Variants in PPP1R12B observed in about 807,000 individuals in gnomAD.
The protein encoded by PPP1R12B is protein phosphatase 1 regulatory subunit 12B.
A neutral mutation model predicts 126.1 loss-of-function variants in PPP1R12B; 76 were observed. That is an observed-to-expected ratio of 0.60 (90% CI 0.50 to 0.73). The LOEUF (loss-of-function observed/expected upper bound fraction) is 0.73, where lower values mean the gene tolerates loss of function less well. Ranked by LOEUF, PPP1R12B falls within the 30% of genes least tolerant of loss-of-function variation. The pLI is 0.00. For synonymous variants in PPP1R12B, 356 were observed against 434.7 expected (o/e 0.82, Z 2.25); for missense variants, 1,052 against 1,205.1 (o/e 0.87, Z 1.88).
chr1:202,368,991 T>C (rs1659764280), intron 1 of PPP1R12B, among the ~76,000 whole-genome samples: 1 of 152,268 alleles, frequency 6.6e-6, no homozygotes, highest in Non-Finnish European at 1.5e-5. Flanking sequence ...GTATTGTGAT[T>C]ACAGGCATGA....
At chr1:202,376,748 A>C (rs1661236309) in intron 1 of PPP1R12B, among the ~76,000 whole-genome samples, 1 of 152,140 alleles carries the variant, frequency 6.6e-6, no homozygotes, top group East Asian at 1.9e-4. Flanking sequence ...TTTTCAATAT[A>C]ATATAAATAT....
At chr1:202,559,928 T>G (rs1416788165) in intron 19 of PPP1R12B, among the ~76,000 whole-genome samples, 1 of 152,208 alleles carries the variant, frequency 6.6e-6, no homozygotes, top group African/African-American at 2.4e-5. Flanking sequence ...CAAAATATGC[T>G]ATGAAACTGT....
intron 18 of PPP1R12B, chr1:202,539,841 C>T (rs1684924996): frequency 5.1e-6 from 1 of 194,516 alleles, no homozygotes; most frequent in African/African-American, 2.3e-5. Flanking sequence ...AGGACTCAAT[C>T]TAGGCATAAA....
chr1:202,528,885 TTATG>T (rs1471089383), intron 18 of PPP1R12B, among the ~76,000 whole-genome samples: 12 of 152,206 alleles, frequency 7.9e-5, no homozygotes, highest in Non-Finnish European at 1.5e-4. Context: ...GGAAAAACTT[TTATG>T]TCATCTTCAG....
intron 18 of PPP1R12B, among the ~76,000 whole-genome samples, chr1:202,535,161 G>A (rs942583528): frequency 6.6e-6 from 1 of 151,854 alleles, no homozygotes. Context: ...GATTCAATGA[G>A]GCTGAAGAAC....
At chr1:202,456,258 G>T (rs915999525) in intron 13 of PPP1R12B, among the ~76,000 whole-genome samples, 1 of 148,764 alleles carries the variant, frequency 6.7e-6, no homozygotes, top group African/African-American at 2.5e-5. Flanking sequence ...GACAGAGCAA[G>T]AATCCGTCTC....
Position 202,351,134 on chromosome 1 carries a change from G to A in PPP1R12B, c.291+1992G>A, listed in dbSNP as rs572223034. Among the ~76,000 whole-genome samples the A allele has an allele frequency of 3.3e-5, 5 of 151,986 alleles. No individual in the cohort carries two copies. In the East Asian group the frequency reaches 5.8e-4, roughly 18 times the overall value. On this transcript the variant is annotated intron_variant, in intron 1 of 23. Coordinates refer to ENST00000608999, the MANE Select transcript of PPP1R12B (RefSeq NM_002481.4). ...AACTGTATCTTTGAATCAAGACAAC[G>A]GGCCTTTATTGGCTTCAGAACATTA...
intron 8 of PPP1R12B, 29 bp downstream of exon 8, chr1:202,431,648 C>T: frequency 6.3e-7 from 1 of 1,584,162 alleles, no homozygotes; most frequent in Non-Finnish European, 8.6e-7. Flanking sequence ...TAGTGAAGAT[C>T]CTCTATCTCC....
chr1:202,437,969 T>C lies in PPP1R12B; in HGVS notation c.1403T>C (p.Ile468Thr). 3.7e-6 allele frequency: 6 copies of C among 1,614,108 alleles called. No individual in the cohort carries two copies. Among genetic ancestry groups the C allele is most frequent in the Non-Finnish European group, 5.1e-6 (6 of 1,180,014 alleles). ...REPIRDRGSS[I>T]YRSSSSPRIS... ...CCTATAAGGGACCGAGGCTCTTCCATCTATCGCTCCTCTTCAAGCCCTCGG... is the reference window on the plus strand; with the variant it reads ...CCTATAAGGGACCGAGGCTCTTCCACCTATCGCTCCTCTTCAAGCCCTCGG... Residue 468 changes from isoleucine to threonine, a missense_variant, in exon 10 of 24, where the codon ATC becomes ACC. Coordinates refer to ENST00000608999, the MANE Select transcript of PPP1R12B (RefSeq NM_002481.4).
intron 18 of PPP1R12B, among the ~76,000 whole-genome samples, chr1:202,521,998 T>C (rs1288133153): frequency 6.6e-6 from 1 of 152,210 alleles, no homozygotes; most frequent in African/African-American, 2.4e-5. Flanking sequence ...GGTAGTCAAA[T>C]TGGCAGTAGG....
intron 1 of PPP1R12B, among the ~76,000 whole-genome samples, chr1:202,372,634 A>G (rs1660487997): frequency 6.6e-6 from 1 of 152,220 alleles, no homozygotes; most frequent in African/African-American, 2.4e-5. Context: ...ATAGCTGGGC[A>G]TGGTGGCATA....
intron 10 of PPP1R12B, chr1:202,439,333 T>A (rs1572028674): frequency 7.1e-7 from 1 of 1,416,518 alleles, no homozygotes; most frequent in East Asian, 2.3e-5. Flanking sequence ...GCCCTGAAGC[T>A]GGAACCTTCC....
At chr1:202,538,602 G>A (rs1684785759) in intron 18 of PPP1R12B, among the ~76,000 whole-genome samples, 2 of 152,162 alleles carry the variant, frequency 1.3e-5, no homozygotes, top group South Asian at 4.1e-4. Flanking sequence ...GTGGAAAAAG[G>A]GAAAGCAGGA....
At chr1:202,564,611 TAGGGATCTAAGGGAC>T in intron 21 of PPP1R12B, 64 bp downstream of exon 21, 1 of 1,337,764 alleles carries the variant, frequency 7.5e-7, no homozygotes, top group Non-Finnish European at 1.1e-6. Context: ...CAAACTAGAC[TAGGGATCTAAGGGAC>T]AGGAAGTAAG....
chr1:202,349,422 G>A lies in PPP1R12B; in HGVS notation c.291+280G>A, dbSNP rs116801633. Among the ~76,000 whole-genome samples, 272 of 152,226 alleles carry A rather than the reference G, an allele frequency of 1.8e-3. 2 individuals carry two copies. Among genetic ancestry groups the A allele is most frequent in the African/African-American group, 6.4e-3 (265 of 41,546 alleles). On this transcript the variant is annotated intron_variant, in intron 1 of 23. Coordinates refer to ENST00000608999, the MANE Select transcript of PPP1R12B (RefSeq NM_002481.4). ...ATGGTTACTGGTGATTTTTGTCCCTGGTCTTATCCCTGTAGATTAGTTATC... is the reference window on the plus strand; with the variant it reads ...ATGGTTACTGGTGATTTTTGTCCCTAGTCTTATCCCTGTAGATTAGTTATC...
In PPP1R12B at chr1:202,481,795, C is replaced by A. The variant is rs190459467; in HGVS notation, c.1851-6738C>A. Among the ~76,000 whole-genome samples the A allele has an allele frequency of 8.5e-5, 13 of 152,224 alleles. No homozygotes were observed. In the East Asian group the frequency reaches 2.3e-3, roughly 27 times the overall value. Reference sequence around the variant, plus strand: ...ATATTTTGCTTTTAACCATAGTCACCTTACTCTGCAATAGAACATCAGAAT... The same window carrying A: ...ATATTTTGCTTTTAACCATAGTCACATTACTCTGCAATAGAACATCAGAAT... On this transcript the variant is annotated intron_variant, in intron 13 of 23. Coordinates refer to ENST00000608999, the MANE Select transcript of PPP1R12B (RefSeq NM_002481.4).
At chr1:202,546,083 G>T (rs190367546) in intron 18 of PPP1R12B, among the ~76,000 whole-genome samples, 143 of 152,290 alleles carry the variant, frequency 9.4e-4, no homozygotes, top group African/African-American at 3.3e-3. Context: ...CTGGGAGGAG[G>T]GTCAGGACAT....
At chr1:202,475,670 C>T (rs1442378260) in intron 13 of PPP1R12B, among the ~76,000 whole-genome samples, 1 of 152,134 alleles carries the variant, frequency 6.6e-6, no homozygotes, top group Non-Finnish European at 1.5e-5. Flanking sequence ...CCTTTATTGA[C>T]TCATCCGTAA....
At chr1:202,414,847 A>T (rs983599559) in intron 1 of PPP1R12B, among the ~76,000 whole-genome samples, 1 of 152,182 alleles carries the variant, frequency 6.6e-6, no homozygotes, top group African/African-American at 2.4e-5. Flanking sequence ...GAGAGCAGTG[A>T]TCACAGCTCA....
Sources: gnomAD v4.1 joint callset for allele counts (sites outside exome capture counted in the v4.1 genomes callset) on GRCh38, gnomAD v4.1.1 for gene constraint, MANE v1.5 for transcripts, NCBI Gene and HGNC (gene_info 2026-07-23, HGNC 2026-07-21) for gene names.